Variants in TENM3 observed in about 807,000 individuals in gnomAD.
TENM3 encodes the protein teneurin-3.
A neutral mutation model predicts 255.1 loss-of-function variants in TENM3; 63 were observed. The observed-to-expected ratio is 0.25, with a 90% CI of 0.20 to 0.30. The LOEUF (loss-of-function observed/expected upper bound fraction) is 0.30. TENM3 is among the 10% of genes least tolerant of loss of function. The pLI is 1.00. For missense variants in TENM3, 2,929 were observed against 3,461.1 expected (o/e 0.85, Z 3.86); for synonymous variants, 1,306 against 1,322.3 (o/e 0.99, Z 0.27).
At chr4:182,764,937 G>A (rs950111387) in intron 22 of TENM3, among the ~76,000 whole-genome samples, 3 of 152,212 alleles carry the variant, frequency 2.0e-5, no homozygotes, top group African/African-American at 7.2e-5. Flanking sequence ...TCAGTCATTA[G>A]GACATGAAAT....
the TENM3 span, among the ~76,000 whole-genome samples, chr4:181,950,719 A>G: frequency 1.3e-5 from 2 of 152,160 alleles, no homozygotes; most frequent in Non-Finnish European, 2.9e-5. Context: ...ACATCTGAAA[A>G]ATTCTCCAAA....
At chr4:182,601,259 G>A (rs1018933590) in intron 4 of TENM3, 98 bp downstream of exon 4, 2 of 777,166 alleles carry the variant, frequency 2.6e-6, no homozygotes, top group African/African-American at 1.7e-5. Flanking sequence ...TTGGGGTTTT[G>A]TTGTTGTTGT....
At chr4:182,297,439 A>T (rs1048976946) in intron 1 of TENM3, among the ~76,000 whole-genome samples, 6 of 152,122 alleles carry the variant, frequency 3.9e-5, no homozygotes, top group Admixed American at 3.9e-4. Flanking sequence ...TTTTGAATGG[A>T]TTATTTTATT....
the TENM3 span, among the ~76,000 whole-genome samples, chr4:181,854,810 T>C: frequency 6.6e-6 from 1 of 152,240 alleles, no homozygotes; most frequent in South Asian, 2.1e-4. Flanking sequence ...ATGTCAGTGC[T>C]AGCTAGTGAT....
the TENM3 span, among the ~76,000 whole-genome samples, chr4:182,137,927 G>A: frequency 6.6e-6 from 1 of 152,192 alleles, no homozygotes; most frequent in Non-Finnish European, 1.5e-5. Flanking sequence ...TTCAGTGGTT[G>A]CTCAAATCCC....
At chr4:181,567,993 A>G in the TENM3 span, among the ~76,000 whole-genome samples, 322 of 152,230 alleles carry the variant, frequency 2.1e-3, 3 homozygotes, top group South Asian at 0.016. Flanking sequence ...ACAGAAAAAA[A>G]AATCATATAT....
chr4:182,537,251 A>T (rs1489566363), intron 3 of TENM3, among the ~76,000 whole-genome samples: 2 of 151,976 alleles, frequency 1.3e-5, no homozygotes, highest in Non-Finnish European at 2.9e-5. Flanking sequence ...TGGTTTCTTG[A>T]CTCAGTTTTC....
At chr4:182,637,515 A>G (rs1435260323) in intron 5 of TENM3, among the ~76,000 whole-genome samples, 1 of 152,232 alleles carries the variant, frequency 6.6e-6, no homozygotes, top group East Asian at 1.9e-4. Context: ...AGCCTGAACG[A>G]CATAGCAAGA....
the TENM3 span, among the ~76,000 whole-genome samples, chr4:181,791,579 A>T: frequency 6.6e-6 from 1 of 152,162 alleles, no homozygotes; most frequent in Non-Finnish European, 1.5e-5. Context: ...ATTTTAGCCT[A>T]CTCTTAACCC....
chr4:182,790,877 G>A (rs1337009579), intron 25 of TENM3, among the ~76,000 whole-genome samples: 3 of 152,112 alleles, frequency 2.0e-5, no homozygotes, highest in Non-Finnish European at 2.9e-5. Flanking sequence ...GAGAAGAGCC[G>A]CTGTCACAGA....
At chr4:182,220,637 G>A (rs17072892) in intron 1 of TENM3, among the ~76,000 whole-genome samples, 9,445 of 152,184 alleles carry the variant, frequency 0.062, 307 homozygotes, top group Middle Eastern at 0.11. Context: ...TAGCCACAAA[G>A]CAATGAACAG....
intron 3 of TENM3, among the ~76,000 whole-genome samples, chr4:182,451,611 CAGGTATTCATTCCCTTAAA>C (rs1773468923): frequency 2.6e-5 from 4 of 152,166 alleles, no homozygotes; most frequent in Admixed American, 6.5e-5. Context: ...TGCTGTATTT[CAGGTATTCATTCCCTTAAA>C]AGGGCCACCA....
the TENM3 span, among the ~76,000 whole-genome samples, chr4:181,713,801 T>C: frequency 6.6e-6 from 1 of 152,166 alleles, no homozygotes. Context: ...CCCTGTAGAT[T>C]GATTATTGCC....
Position 182,786,023 on chromosome 4 carries a change from G to T in TENM3, c.5305-3070G>T, listed in dbSNP as rs192915631. On this transcript the variant is annotated intron_variant, in intron 24 of 27. Transcript: ENST00000511685. ...ATGGTTAAAGCCTTGGCTTGTGTTG[G>T]GAATTTGGGAAAAAACATAGCCACA... 3.9e-4 allele frequency among the ~76,000 whole-genome samples: 59 copies of T among 152,268 alleles called. No homozygotes were observed. The East Asian group carries it at 0.011, about 28-fold the overall frequency.
intron 1 of TENM3, among the ~76,000 whole-genome samples, chr4:182,163,455 G>A (rs1050620877): frequency 3.3e-5 from 5 of 152,176 alleles, no homozygotes; most frequent in Non-Finnish European, 7.3e-5. Flanking sequence ...AGCACGAGGC[G>A]AGTCTTCCCA....
chr4:181,678,633 A>C, the TENM3 span, among the ~76,000 whole-genome samples: 1 of 152,262 alleles, frequency 6.6e-6, no homozygotes, highest in Non-Finnish European at 1.5e-5. Flanking sequence ...TGAATGTATA[A>C]GTTTAAAATA....
At chr4:182,796,852 CTG>C in intron 27 of TENM3, 85 bp downstream of exon 27, 1 of 1,082,292 alleles carries the variant, frequency 9.2e-7, no homozygotes, top group Non-Finnish European at 1.3e-6. Context: ...CTTGTGAAAA[CTG>C]TACCAAAGAC....
At chr4:182,462,987 C>T (rs760923311) in intron 3 of TENM3, among the ~76,000 whole-genome samples, 10 of 152,004 alleles carry the variant, frequency 6.6e-5, no homozygotes, top group Non-Finnish European at 1.3e-4. Context: ...CACCAAAATC[C>T]ATGTATACTA....
the TENM3 span, among the ~76,000 whole-genome samples, chr4:181,510,425 C>T: frequency 7.9e-5 from 12 of 152,160 alleles, no homozygotes; most frequent in Non-Finnish European, 1.2e-4. Flanking sequence ...CCATAATTTT[C>T]TGGTCCATCC....
Sources: gnomAD v4.1 joint callset for allele counts (sites outside exome capture counted in the v4.1 genomes callset) on GRCh38, gnomAD v4.1.1 for gene constraint, MANE v1.5 for transcripts, NCBI Gene and HGNC (gene_info 2026-07-23, HGNC 2026-07-21) for gene names.